PDE7B: variants seen among roughly 807,000 people sequenced by gnomAD.
The protein encoded by PDE7B is phosphodiesterase 7B.
PDE7B carries 29 observed loss-of-function variants against 56.2 expected under a neutral mutation model. That is an observed-to-expected ratio of 0.52 (90% CI 0.38 to 0.70). The LOEUF (loss-of-function observed/expected upper bound fraction) is 0.70, where lower values mean the gene tolerates loss of function less well. PDE7B is among the 30% of genes least tolerant of loss of function. The probability of loss-of-function intolerance (pLI) is 0.00; values close to 1 mark genes in which losing one functional copy is unlikely to be tolerated. For missense variants in PDE7B, 490 were observed against 565.0 expected (o/e 0.87, Z 1.35); for synonymous variants, 197 against 196.9 (o/e 1.00, Z 0.00).
intron 1 of PDE7B, among the ~76,000 whole-genome samples, chr6:135,874,304 G>A (rs978693923): frequency 6.6e-6 from 1 of 152,066 alleles, no homozygotes; most frequent in Non-Finnish European, 1.5e-5. Flanking sequence ...TTCTTCTACT[G>A]ATTTGTGGCT....
chr6:136,066,734 C>T (rs573906602), intron 2 of PDE7B, among the ~76,000 whole-genome samples: 60 of 151,946 alleles, frequency 3.9e-4, no homozygotes, highest in Non-Finnish European at 7.1e-4. Context: ...ACTTAGCAAC[C>T]GAAGAACAAA....
At chr6:135,963,232 G>A (rs186624081) in intron 2 of PDE7B, among the ~76,000 whole-genome samples, 4 of 152,238 alleles carry the variant, frequency 2.6e-5, no homozygotes, top group Non-Finnish European at 4.4e-5. Context: ...ATTATGCCAG[G>A]GGAATTTGCA....
At chr6:135,915,678 C>T (rs570397588) in intron 1 of PDE7B, among the ~76,000 whole-genome samples, 8 of 152,286 alleles carry the variant, frequency 5.3e-5, no homozygotes, top group East Asian at 1.9e-4. Context: ...GCCAGGCCCC[C>T]GGAAATCGCT....
intron 1 of PDE7B, among the ~76,000 whole-genome samples, chr6:135,862,952 C>A (rs542829471): frequency 6.6e-6 from 1 of 151,956 alleles, no homozygotes; most frequent in East Asian, 1.9e-4. Flanking sequence ...TATTAATTTG[C>A]AAACAAATTG....
At chr6:135,894,032 G>A (rs1393220582) in intron 1 of PDE7B, among the ~76,000 whole-genome samples, 1 of 152,074 alleles carries the variant, frequency 6.6e-6, no homozygotes, top group East Asian at 1.9e-4. Flanking sequence ...AATTGAATAG[G>A]CCACTAAGGT....
intron 8 of PDE7B, among the ~76,000 whole-genome samples, chr6:136,165,933 A>G (rs1411860705): frequency 6.6e-6 from 1 of 152,160 alleles, no homozygotes; most frequent in Non-Finnish European, 1.5e-5. Context: ...GGATGAACAA[A>G]CAGGAGTCTC....
At chr6:135,855,411 G>C (rs1393591407) in intron 1 of PDE7B, among the ~76,000 whole-genome samples, 1 of 152,064 alleles carries the variant, frequency 6.6e-6, no homozygotes, top group East Asian at 1.9e-4. Flanking sequence ...AAAAGGAGAA[G>C]TCTGAGAAGG....
At chr6:136,058,663 A>G (rs1776781820) in intron 2 of PDE7B, among the ~76,000 whole-genome samples, 2 of 152,158 alleles carry the variant, frequency 1.3e-5, no homozygotes, top group Admixed American at 1.3e-4. Flanking sequence ...TTTTATCAAC[A>G]CACATGTTAA....
chr6:135,893,599 G>A (rs6925343), intron 1 of PDE7B, among the ~76,000 whole-genome samples: 10,829 of 152,102 alleles, frequency 0.071, 770 homozygotes, highest in African/African-American at 0.19. Context: ...GTGGAAGTCA[G>A]TGTGGTGATT....
At chr6:136,046,528 C>G (rs913605257) in intron 2 of PDE7B, among the ~76,000 whole-genome samples, 1 of 152,232 alleles carries the variant, frequency 6.6e-6, no homozygotes, top group Non-Finnish European at 1.5e-5. Context: ...TCCCACATAC[C>G]TATCCAATGT....
intron 3 of PDE7B, among the ~76,000 whole-genome samples, chr6:136,141,565 G>A (rs1011884423): frequency 6.6e-6 from 1 of 152,116 alleles, no homozygotes; most frequent in African/African-American, 2.4e-5. Context: ...TTGTACCTGT[G>A]GTAGAATTTG....
chr6:135,883,589 C>T (rs1330331202), intron 1 of PDE7B, among the ~76,000 whole-genome samples: 2 of 152,134 alleles, frequency 1.3e-5, no homozygotes, highest in African/African-American at 4.8e-5. Context: ...TAAATGTTGT[C>T]AATGAGATCA....
intron 2 of PDE7B, chr6:136,095,706 A>T (rs1344246962): frequency 6.6e-6 from 1 of 152,204 alleles, no homozygotes; most frequent in Non-Finnish European, 1.5e-5. Flanking sequence ...CAGGCTGTGG[A>T]GCTAGTCACC....
At chr6:136,114,336 A>C (rs575132599) in intron 3 of PDE7B, among the ~76,000 whole-genome samples, 4 of 152,198 alleles carry the variant, frequency 2.6e-5, no homozygotes, top group Non-Finnish European at 5.9e-5. Flanking sequence ...CAGAGACTCA[A>C]ATATTTTTTT....
intron 1 of PDE7B, among the ~76,000 whole-genome samples, chr6:135,936,281 G>A (rs796413839): frequency 1.5e-4 from 23 of 152,330 alleles, no homozygotes; most frequent in African/African-American, 5.3e-4. Context: ...TCTGAATCAT[G>A]ATGTCTGGAG....
At chr6:136,045,386 G>C (rs1776484884) in intron 2 of PDE7B, among the ~76,000 whole-genome samples, 1 of 152,122 alleles carries the variant, frequency 6.6e-6, no homozygotes, top group Admixed American at 6.5e-5. Flanking sequence ...TAAATTTCCT[G>C]AAATTATAAA....
At chr6:136,003,115 GA>G (rs1465113790) in intron 2 of PDE7B, among the ~76,000 whole-genome samples, 1 of 152,062 alleles carries the variant, frequency 6.6e-6, no homozygotes, top group Non-Finnish European at 1.5e-5. Flanking sequence ...GGTACATAAC[GA>G]AATGAAGGTA....
intron 8 of PDE7B, among the ~76,000 whole-genome samples, chr6:136,156,483 T>C (rs891096009): frequency 6.6e-6 from 1 of 152,148 alleles, no homozygotes; most frequent in Admixed American, 6.5e-5. Flanking sequence ...CACCTGGGAC[T>C]ACAGGCATGA....
intron 2 of PDE7B, among the ~76,000 whole-genome samples, chr6:135,964,556 A>G (rs1347485002): frequency 6.6e-6 from 1 of 152,212 alleles, no homozygotes; most frequent in Non-Finnish European, 1.5e-5. Context: ...CTAATGTACA[A>G]TTATAAAGTA....
Sources: allele counts gnomAD v4.1 joint callset (sites outside exome capture counted in the v4.1 genomes callset), GRCh38; gene constraint gnomAD v4.1.1; transcripts MANE v1.5; gene names NCBI Gene and HGNC (gene_info 2026-07-23, HGNC 2026-07-21).